KCNT1: variants seen among roughly 807,000 people sequenced by gnomAD.
The protein encoded by KCNT1 is potassium sodium-activated channel subfamily T member 1.
KCNT1 carries 78 observed loss-of-function variants against 147.8 expected under a neutral mutation model. That is an observed-to-expected ratio of 0.53 (90% confidence interval 0.44 to 0.64). The LOEUF (loss-of-function observed/expected upper bound fraction) is 0.64. KCNT1 is among the 30% of genes least tolerant of loss of function. The probability of loss-of-function intolerance (pLI) is 0.00; values close to 1 mark genes in which losing one functional copy is unlikely to be tolerated. For missense variants in KCNT1, 1,419 were observed against 1,750.3 expected, an observed-to-expected ratio of 0.81 and a Z score of 3.38; for synonymous variants, 867 against 748.8, an observed-to-expected ratio of 1.16 and a Z score of -2.58.
chr9:135,704,121 G>A (rs1007394015), intron 1 of KCNT1, among the ~76,000 whole-genome samples: 1 of 152,328 alleles, frequency 6.6e-6, no homozygotes, highest in East Asian at 1.9e-4. Context: ...GCCTGGTGGT[G>A]GGGGGAGCTC....
At position 135,792,121 on chromosome 9, in the gene KCNT1, C is replaced by T. The variant is rs779379200; in HGVS notation, c.3668C>T (p.Ser1223Leu). 31 of 1,605,714 alleles carry T rather than the reference C, an allele frequency of 1.9e-5. No individual in the cohort carries two copies. Among genetic ancestry groups the T allele is most frequent in the Non-Finnish European group, 2.4e-5 (28 of 1,179,552 alleles). Residue 1223 changes from serine to leucine, a missense_variant, in exon 31 of 31, where the codon TCG becomes TTG. Physicochemically the swap from Ser to Leu is moderately radical, Grantham distance 145. This residue lies in a region of KCNT1 where 306 missense variants were observed against 294.2 expected (regional missense o/e 1.04). Transcript: ENST00000371757. Reference protein sequence around the residue: ...SRKSSCSHKLSSCNPETRDET... With the variant: ...SRKSSCSHKLLSCNPETRDET... ...AAGAGCAGCTGCAGCCACAAGCTGT[C>T]GTCCTGCAACCCCGAGACTCGCGAC... is the stretch of plus-strand genomic sequence containing the variant.
rs976434604 is a variant in KCNT1, at chr9:135,793,765, C to T, written c.*1604C>T. ...GTGCCCACTAGCCCTCTGTGGGGGA[C>T]AGAGCCAGACATGGGTGGTCAGGGA... On this transcript the variant is annotated 3_prime_UTR_variant, in exon 31 of 31. Coordinates refer to ENST00000371757, the MANE Select transcript of KCNT1 (RefSeq NM_020822.3). 1.3e-5 allele frequency: 2 copies of T among 152,476 alleles called. No homozygotes were observed. Among genetic ancestry groups the T allele is most frequent in the African/African-American group, 2.4e-5 (1 of 41,462 alleles). The allele number at this position is 152,476 out of a possible 1,614,324, so 9.4% of individuals were successfully genotyped here.
In KCNT1 at chr9:135,702,309, G is replaced by C; in HGVS notation, c.51G>C (p.Ala17=). The C allele has an allele frequency of 6.2e-7, 1 of 1,609,860 alleles. No individual in the cohort carries two copies. Among genetic ancestry groups the C allele is most frequent in the Non-Finnish European group, 8.5e-7 (1 of 1,178,512 alleles). ...ARTPGGVCRE[A]RGGGYTNRTF... The stretch of plus-strand genomic sequence containing the variant: ...CCCCGGGGGGCGTCTGCCGGGAGGC[G>C]CGCGGCGGGGGCTACACCAACCGGA... The change falls in exon 1 of 31, where the codon GCG becomes GCC. Residue 17 remains alanine, a synonymous_variant. Transcript: ENST00000371757.
chr9:135,768,533 C>G, intron 13 of KCNT1, 77 bp from the exon 14 acceptor site: 1 of 1,177,248 alleles, frequency 8.5e-7, no homozygotes, highest in South Asian at 1.4e-5. Context: ...GAGGTCCTCC[C>G]CACCTCACCT....
intron 2 of KCNT1, 43 bp from the exon 3 acceptor site, chr9:135,750,055 C>T (rs1262089877): frequency 1.3e-6 from 2 of 1,521,902 alleles, no homozygotes; most frequent in African/African-American, 2.7e-5. Flanking sequence ...CAGCCTGAGT[C>T]CCCACTGGCC....
intron 11 of KCNT1, among the ~76,000 whole-genome samples, chr9:135,764,809 A>G (rs1228204164): frequency 6.6e-6 from 1 of 151,880 alleles, no homozygotes; most frequent in African/African-American, 2.4e-5. Flanking sequence ...CTTGGTCCCC[A>G]CACATCCTGC....
At chr9:135,771,807 G>T (rs535509466) in intron 18 of KCNT1, among the ~76,000 whole-genome samples, 1 of 152,188 alleles carries the variant, frequency 6.6e-6, no homozygotes, top group African/African-American at 2.4e-5. Flanking sequence ...CAGTTAGGGA[G>T]CAGGGCCAGG....
intron 18 of KCNT1, among the ~76,000 whole-genome samples, chr9:135,771,767 C>T (rs1229001226): frequency 6.6e-6 from 1 of 152,180 alleles, no homozygotes; most frequent in Admixed American, 6.5e-5. Flanking sequence ...AGTGGTGTTG[C>T]CCCCTCCCCA....
rs147176261 is a variant in KCNT1 at position 135,708,387 on chromosome 9, A to G, written c.110+6019A>G. On this transcript the variant is annotated intron_variant, in intron 1 of 30. Coordinates refer to ENST00000371757, the MANE Select transcript of KCNT1 (RefSeq NM_020822.3). ...CATGCTCATTTACACACACATCAGC[A>G]TGCATGTGCGTATTTACGTGCTTAC... is the stretch of plus-strand genomic sequence containing the variant. Among the ~76,000 whole-genome samples the G allele has an allele frequency of 4.6e-3, 698 of 152,350 alleles. 6 individuals are homozygous for G. The highest frequency in any genetic ancestry group is 0.016 in the African/African-American group (652 of 41,586).
chr9:135,734,521 G>A (rs139471560), intron 2 of KCNT1, among the ~76,000 whole-genome samples: 9 of 152,292 alleles, frequency 5.9e-5, no homozygotes, highest in South Asian at 4.2e-4. Flanking sequence ...TCCCCTCCCC[G>A]CACCCCAGGC....
rs758350255 is a variant in KCNT1 at position 135,775,372 on chromosome 9, T to A, written c.2306T>A (p.Leu769His). The change falls in exon 20 of 31, where the codon CTC becomes CAC. Residue 769 changes from leucine to histidine, a missense_variant. This residue lies in a region of KCNT1 where 247 missense variants were observed against 397.1 expected (regional missense o/e 0.62). Transcript: ENST00000371757. ...YIGSSPTLCH[L>H]LPVKAPFCCL... Reference sequence around the variant, plus strand: ...GGCAGCTCCCCAACCCTGTGCCACCTCCTGCCTGTGAAAGCCCCCTTCTGC... The same window carrying A: ...GGCAGCTCCCCAACCCTGTGCCACCACCTGCCTGTGAAAGCCCCCTTCTGC... 6.2e-7 allele frequency: 1 copy of A among 1,610,956 alleles called. No individual in the cohort carries two copies. Among genetic ancestry groups the A allele is most frequent in the African/African-American group, 1.3e-5 (1 of 74,906 alleles).
rs569387811 is a variant in KCNT1, at chr9:135,718,998, G to A, written c.254+4278G>A. On this transcript the variant is annotated intron_variant, in intron 2 of 30. Transcript: ENST00000371757. Reference sequence around the variant, plus strand: ...CACTCACCTCAGGGACCTGATGGTGGACCCTCACCACTGCTTACCAGATGG... The same window carrying A: ...CACTCACCTCAGGGACCTGATGGTGAACCCTCACCACTGCTTACCAGATGG... Among the ~76,000 whole-genome samples, 8 of 152,300 alleles carry A rather than the reference G, an allele frequency of 5.3e-5. No homozygotes were observed. In the South Asian group the frequency reaches 1.7e-3, roughly 32 times the overall value.
chr9:135,758,581 G>A (rs1831678295), intron 10 of KCNT1, 73 bp downstream of exon 10: 5 of 1,231,772 alleles, frequency 4.1e-6, no homozygotes. Flanking sequence ...GCCGGGCGAG[G>A]GGATACAGAT....
rs779908455 is a variant in KCNT1 at position 135,784,779 on chromosome 9, G to A, written c.3046G>A (p.Asp1016Asn). Residue 1016 changes from aspartate (D) to asparagine (N), a missense_variant, in exon 27 of 31, where the codon GAC becomes AAC. By Grantham distance (23) the Asp-to-Asn change is conservative (BLOSUM62 1). Around this residue, in one of 5 missense-constraint regions of KCNT1, gnomAD observed 247 missense variants for 397.1 expected, o/e 0.62. Transcript: ENST00000371757. Reference sequence around the variant, plus strand: ...CCTGCAGATGAAAATCACCGAGGGCGACCTGTGGATCCGCACGTACGGCCG... The same window carrying A: ...CCTGCAGATGAAAATCACCGAGGGCAACCTGTGGATCCGCACGTACGGCCG... Reference protein sequence around the residue: ...YLCAMKITEGDLWIRTYGRLF... With the variant: ...YLCAMKITEGNLWIRTYGRLF... 35 of 1,612,534 alleles carry A rather than the reference G, an allele frequency of 2.2e-5. No homozygotes were observed. Among genetic ancestry groups the A allele is most frequent in the Non-Finnish European group, 2.8e-5 (33 of 1,179,904 alleles).
At position 135,784,512 on chromosome 9, in the gene KCNT1, TCCCTCC is replaced by T. The variant is rs756504019; in HGVS notation, c.2944-21_2944-16del. The T allele has an allele frequency of 1.8e-5, 3 of 170,174 alleles. No individual in the cohort carries two copies. The highest frequency in any genetic ancestry group is 3.4e-5 in the Non-Finnish European group (3 of 87,410). The allele number at this position is 170,174 out of a possible 1,614,324, so 10.5% of individuals were successfully genotyped here. A position where few individuals can be genotyped will look rare whatever the true frequency, so the allele number is the denominator to read the frequency against. ...CTCCCTCCCTCCCTCCCTCCCTCCC[TCCCTCC>T]CTCCCTCCCTGGCCAGTCCTTCGTG... On this transcript the variant is annotated splice_polypyrimidine_tract_variant and intron_variant, in intron 25 of 30. Transcript: ENST00000371757.
At chr9:135,783,555 G>C (rs1305733226) in intron 24 of KCNT1, among the ~76,000 whole-genome samples, 1 of 152,228 alleles carries the variant, frequency 6.6e-6, no homozygotes, top group Non-Finnish European at 1.5e-5. Flanking sequence ...TGGGTCCATT[G>C]CAAGCCTGGA....
At chr9:135,753,434 A>G (rs577914208) in intron 4 of KCNT1, among the ~76,000 whole-genome samples, 7 of 152,252 alleles carry the variant, frequency 4.6e-5, no homozygotes, top group Middle Eastern at 3.4e-3. Flanking sequence ...TGTCCTCAGA[A>G]GCAGCTTAGG....
chr9:135,776,776 C>T (rs1833202206), intron 20 of KCNT1, among the ~76,000 whole-genome samples: 1 of 152,218 alleles, frequency 6.6e-6, no homozygotes, highest in African/African-American at 2.4e-5. Flanking sequence ...CCCCTCAGTT[C>T]ACTGGGTGGG....
In KCNT1 at chr9:135,794,824, A is replaced by T. The variant is rs1235048163; in HGVS notation, c.*2663A>T. On this transcript the variant is annotated 3_prime_UTR_variant, in exon 31 of 31. Coordinates refer to ENST00000371757, the MANE Select transcript of KCNT1 (RefSeq NM_020822.3). ...CCCGAGCCCACTCACCAACAGCCCCAGCTTGCACAGTCATGACATCAGGAA... is the reference window on the plus strand; with the variant it reads ...CCCGAGCCCACTCACCAACAGCCCCTGCTTGCACAGTCATGACATCAGGAA... 3 of 152,072 alleles carry T rather than the reference A, an allele frequency of 2.0e-5. No homozygotes were observed. The allele number at this position is 152,072 out of a possible 1,614,324, so 9.4% of individuals were successfully genotyped here.
Sources: allele counts gnomAD v4.1 joint callset (sites outside exome capture counted in the v4.1 genomes callset), GRCh38; gene constraint gnomAD v4.1.1; regional missense constraint gnomAD v4.1.1; transcripts MANE v1.5; gene names NCBI Gene and HGNC (gene_info 2026-07-23, HGNC 2026-07-21).